Variants in IGLL5 observed in about 807,000 individuals in gnomAD.
IGLL5 encodes immunoglobulin lambda-like polypeptide 5.
Under a neutral mutation model 20.9 loss-of-function variants are expected in IGLL5, and 30 were observed. The observed-to-expected ratio is 1.44, with a 90% CI of 1.07 to 1.95. The LOEUF is 1.95. Ranked by LOEUF, IGLL5 falls within the 30% of genes most tolerant of loss-of-function variation. The probability of loss-of-function intolerance (pLI) is 0.00; values close to 1 mark genes in which losing one functional copy is unlikely to be tolerated. For synonymous variants in IGLL5, 203 were observed against 117.3 expected (o/e 1.73, Z -4.72); for missense variants, 475 against 270.7 (o/e 1.75, Z -5.30).
chr22:22,894,579 G>C (rs537059315), intron 2 of IGLL5, among the ~76,000 whole-genome samples: 5 of 151,476 alleles, frequency 3.3e-5, no homozygotes, highest in Admixed American at 2.0e-4. Flanking sequence ...CAAAGGGCAT[G>C]TTAGACTCAG....
In IGLL5 at chr22:22,888,753, A is replaced by G. The variant is rs528170285; in HGVS notation, c.206+494A>G. On this transcript the variant is annotated intron_variant, in intron 1 of 2. Transcript: ENST00000526893. ...TGTCTGTTCACCAACTTGCACATAAATGCTTACTGGGGCCAGGCTCAAGGA... is the reference window on the plus strand; with the variant it reads ...TGTCTGTTCACCAACTTGCACATAAGTGCTTACTGGGGCCAGGCTCAAGGA... Among the ~76,000 whole-genome samples the G allele has an allele frequency of 1.9e-4, 28 of 151,146 alleles. 1 individual carries two copies. The highest frequency in any genetic ancestry group is 3.8e-3 in the Middle Eastern group (1 of 266).
At chr22:22,893,942 T>A (rs558043129) in intron 2 of IGLL5, 124 bp downstream of exon 2, 1 of 754,634 alleles carries the variant, frequency 1.3e-6, no homozygotes, top group South Asian at 1.5e-5. Flanking sequence ...CTTACCTTTC[T>A]CCATGGGGCC....
rs2146054745 is a variant in IGLL5, at chr22:22,895,570, A to AG, written c.521_522insG (p.Tyr174Ter). Residue 174 changes from tyrosine to a stop codon, truncating the protein, a stop_gained and frameshift_variant, in exon 3 of 3, where the codon TAC (tyrosine) becomes TAGC (stop). Coordinates refer to ENST00000526893, the MANE Select transcript of IGLL5 (RefSeq NM_001178126.2). LOFTEE classifies it high-confidence loss of function. ...TKPSKQSNNK[Y>*]AASSYLSLTP... is the part of the protein sequence containing the mutation. The stretch of plus-strand genomic sequence containing the variant: ...CCCTCCAAACAGAGCAACAACAAGT[A>AG]CGCGGCCAGCAGCTACCTGAGCCTG... The AG allele has an allele frequency of 6.2e-7, 1 of 1,613,230 alleles. No individual in the cohort carries two copies. Among genetic ancestry groups the AG allele is most frequent in the South Asian group, 1.1e-5 (1 of 91,036 alleles).
At chr22:22,888,929 G>C (rs1170364814) in intron 1 of IGLL5, among the ~76,000 whole-genome samples, 2 of 151,350 alleles carry the variant, frequency 1.3e-5, no homozygotes, top group African/African-American at 2.4e-5. Flanking sequence ...CTGGTGATGG[G>C]TGCCCCCAAA....
intron 1 of IGLL5, among the ~76,000 whole-genome samples, chr22:22,890,597 G>T: frequency 7.4e-6 from 1 of 135,512 alleles, no homozygotes; most frequent in African/African-American, 3.1e-5. Context: ...GTGTGTGTGT[G>T]TGTATGTGTA....
chr22:22,889,376 C>T (rs2067713086), intron 1 of IGLL5, among the ~76,000 whole-genome samples: 1 of 151,080 alleles, frequency 6.6e-6, no homozygotes, highest in Non-Finnish European at 1.5e-5. Context: ...TAGCAACAGG[C>T]GGCGAGTCAA....
chr22:22,888,920 T>A (rs569159693), intron 1 of IGLL5, among the ~76,000 whole-genome samples: 3 of 151,194 alleles, frequency 2.0e-5, no homozygotes, highest in East Asian at 2.0e-4. Context: ...GGGCACTGGC[T>A]GGTGATGGGT....
At chr22:22,888,601 G>C (rs2067621096) in intron 1 of IGLL5, among the ~76,000 whole-genome samples, 1 of 151,324 alleles carries the variant, frequency 6.6e-6, no homozygotes, top group African/African-American at 2.4e-5. Flanking sequence ...GGTGGCCACT[G>C]TCCCCACAGG....
At chr22:22,892,166 TC>T in intron 1 of IGLL5, among the ~76,000 whole-genome samples, 1 of 151,384 alleles carries the variant, frequency 6.6e-6, no homozygotes, top group Non-Finnish European at 1.5e-5. Context: ...AAGAAAATTT[TC>T]TTCAGTAACT....
At chr22:22,894,640 C>G (rs2066677265) in intron 2 of IGLL5, among the ~76,000 whole-genome samples, 1 of 150,574 alleles carries the variant, frequency 6.6e-6, no homozygotes, top group African/African-American at 2.4e-5. Context: ...CCATGGCTAC[C>G]AGGTGAAGTT....
In IGLL5 at chr22:22,895,064, C is replaced by G. The variant is rs562100699; in HGVS notation, c.326-311C>G. Among the ~76,000 whole-genome samples the G allele has an allele frequency of 1.3e-5, 2 of 151,410 alleles. 1 individual carries two copies. Among genetic ancestry groups the G allele is most frequent in the Non-Finnish European group, 2.9e-5 (2 of 67,880 alleles). ...CCAGGGGTCAAGGCCAGATTCTAAACTCAGACTCCAGAGATCAGAGAAGAA... is the reference window on the plus strand; with the variant it reads ...CCAGGGGTCAAGGCCAGATTCTAAAGTCAGACTCCAGAGATCAGAGAAGAA... On this transcript the variant is annotated intron_variant, in intron 2 of 2. Coordinates refer to ENST00000526893, the MANE Select transcript of IGLL5 (RefSeq NM_001178126.2).
intron 1 of IGLL5, among the ~76,000 whole-genome samples, chr22:22,890,430 A>T (rs557231788): frequency 1.3e-5 from 2 of 150,670 alleles, no homozygotes; most frequent in South Asian, 2.1e-4. Flanking sequence ...CACTTTCTGT[A>T]TCAGTCCATA....
At chr22:22,894,095 G>A (rs2067981063) in intron 2 of IGLL5, among the ~76,000 whole-genome samples, 1 of 151,498 alleles carries the variant, frequency 6.6e-6, no homozygotes, top group African/African-American at 2.4e-5. Flanking sequence ...ATGTCTGAGT[G>A]AGGGACAGAG....
At chr22:22,894,647 A>G (rs181154584) in intron 2 of IGLL5, among the ~76,000 whole-genome samples, 10 of 149,732 alleles carry the variant, frequency 6.7e-5, no homozygotes, top group Admixed American at 2.7e-4. Flanking sequence ...TACCAGGTGA[A>G]GTTTGGGGTC....
chr22:22,889,112 A>G (rs2067687403), intron 1 of IGLL5, among the ~76,000 whole-genome samples: 4 of 151,176 alleles, frequency 2.6e-5, no homozygotes, highest in South Asian at 4.2e-4. Context: ...TGTTTTTGGA[A>G]AAATCAGCAC....
chr22:22,889,442 A>C (rs2067719582), intron 1 of IGLL5, among the ~76,000 whole-genome samples: 1 of 151,302 alleles, frequency 6.6e-6, no homozygotes, highest in Admixed American at 6.6e-5. Context: ...ATTTATCCTA[A>C]GGGTTGGTTG....
chr22:22,894,492 G>A (rs2066660639), intron 2 of IGLL5, among the ~76,000 whole-genome samples: 1 of 151,534 alleles, frequency 6.6e-6, no homozygotes, highest in East Asian at 2.0e-4. Flanking sequence ...TTAGGGCAGA[G>A]ATGTGTCTGT....
At chr22:22,889,051 G>C (rs2067680165) in intron 1 of IGLL5, among the ~76,000 whole-genome samples, 1 of 151,308 alleles carries the variant, frequency 6.6e-6, no homozygotes, top group African/African-American at 2.4e-5. Context: ...TCCCAGTCCA[G>C]GACGAGTCCT....
In IGLL5 at chr22:22,895,911, C is replaced by T. The variant is rs977934550; in HGVS notation, c.*217C>T. 47 of 613,938 alleles carry T rather than the reference C, an allele frequency of 7.7e-5. No individual in the cohort carries two copies. The African/African-American group carries it at 8.0e-4, about 10-fold the overall frequency. The allele number at this position is 613,938 out of a possible 1,614,324, so 38.0% of individuals were successfully genotyped here. A position where few individuals can be genotyped will look rare whatever the true frequency, so the allele number is the denominator to read the frequency against. On this transcript the variant is annotated 3_prime_UTR_variant, in exon 3 of 3. Transcript: ENST00000526893. ...TTCTCAGTGTGGGGTACAGGGAATT[C>T]TGCACCCAGTGTGAAAATCACCCAA...
Sources: allele counts gnomAD v4.1 joint callset (sites outside exome capture counted in the v4.1 genomes callset), GRCh38; gene constraint gnomAD v4.1.1; transcripts MANE v1.5; gene names NCBI Gene and HGNC (gene_info 2026-07-23, HGNC 2026-07-21).